Variants in AHCYL2 observed in about 807,000 individuals in gnomAD.
The protein encoded by AHCYL2 is S-adenosylhomocysteine hydrolase-like protein 2.
In AHCYL2, 28 loss-of-function variants were observed where a neutral mutation model predicts 81.4. The ratio of observed to expected loss-of-function variants is 0.34; its 90% CI spans 0.25 to 0.47. The LOEUF is 0.47. Among genes scored for constraint, AHCYL2 ranks in the 20% least tolerant of loss-of-function variants. The probability of loss-of-function intolerance (pLI) is 1.00; values close to 1 mark genes in which losing one functional copy is unlikely to be tolerated. For synonymous variants in AHCYL2, 272 were observed against 290.2 expected (o/e 0.94, Z 0.64); for missense variants, 551 against 785.1 (o/e 0.70, Z 3.56).
chr7:129,428,943 A>G lies in AHCYL2; in HGVS notation c.*1898A>G, dbSNP rs956499577. 6.6e-6 allele frequency: 1 copy of G among 152,158 alleles called. No homozygotes were observed. Among genetic ancestry groups the G allele is most frequent in the Non-Finnish European group, 1.5e-5 (1 of 68,030 alleles). 9.4% of individuals were successfully genotyped at this position (152,158 alleles called of 1,614,324 possible). ...CTACCTAGTCCTGATTTTTGTATTAATTGGTTCCCTTTAGCAAGGGATTCA... is the reference window on the plus strand; with the variant it reads ...CTACCTAGTCCTGATTTTTGTATTAGTTGGTTCCCTTTAGCAAGGGATTCA... On this transcript the variant is annotated 3_prime_UTR_variant, in exon 17 of 17. Coordinates refer to ENST00000325006, the MANE Select transcript of AHCYL2 (RefSeq NM_015328.4).
chr7:129,415,713 G>A (rs1796811953), intron 12 of AHCYL2, among the ~76,000 whole-genome samples: 1 of 152,062 alleles, frequency 6.6e-6, no homozygotes, highest in South Asian at 2.1e-4. Context: ...CACTTTGGGA[G>A]GCCAAGGCGG....
intron 12 of AHCYL2, among the ~76,000 whole-genome samples, chr7:129,417,156 A>G (rs1190549753): frequency 6.6e-6 from 1 of 152,156 alleles, no homozygotes; most frequent in African/African-American, 2.4e-5. Context: ...AAAAGATGAT[A>G]TTTGAGGCAG....
intron 4 of AHCYL2, among the ~76,000 whole-genome samples, chr7:129,391,816 A>C (rs960230102): frequency 6.6e-6 from 1 of 152,206 alleles, no homozygotes; most frequent in Non-Finnish European, 1.5e-5. Context: ...CATCTTCACT[A>C]TGAAACTTTT....
At chr7:129,233,136 C>G (rs981080790) in intron 1 of AHCYL2, among the ~76,000 whole-genome samples, 2 of 152,178 alleles carry the variant, frequency 1.3e-5, no homozygotes, top group Non-Finnish European at 2.9e-5. Context: ...ATACATTTCT[C>G]TAGTTCACTT....
chr7:129,409,573 T>C (rs927526907), intron 11 of AHCYL2, 27 bp downstream of exon 11: 7 of 1,572,834 alleles, frequency 4.5e-6, no homozygotes, highest in Non-Finnish European at 5.2e-6. Flanking sequence ...TTAAATGGGG[T>C]GGCACTTGGG....
intron 1 of AHCYL2, among the ~76,000 whole-genome samples, chr7:129,256,051 G>A (rs541598579): frequency 5.5e-4 from 83 of 152,042 alleles, no homozygotes; most frequent in African/African-American, 2.0e-3. Flanking sequence ...TAATACCTCC[G>A]TCCTGTGTAG....
chr7:129,327,855 G>A (rs1239660122), intron 1 of AHCYL2, among the ~76,000 whole-genome samples: 2 of 151,786 alleles, frequency 1.3e-5, no homozygotes, highest in African/African-American at 4.8e-5. Flanking sequence ...GTGCAGTGAT[G>A]TGATCATTAC....
At chr7:129,246,844 G>T (rs1258428006) in intron 1 of AHCYL2, among the ~76,000 whole-genome samples, 2 of 152,106 alleles carry the variant, frequency 1.3e-5, no homozygotes, top group African/African-American at 4.8e-5. Flanking sequence ...TCTTTTGTGT[G>T]TGGCTTTTCC....
At chr7:129,309,281 G>A (rs1280727084) in intron 1 of AHCYL2, among the ~76,000 whole-genome samples, 1 of 151,700 alleles carries the variant, frequency 6.6e-6, no homozygotes, top group Non-Finnish European at 1.5e-5. Context: ...GCTCACACCT[G>A]TAATCCCAGC....
chr7:129,241,356 T>C (rs192160992), intron 1 of AHCYL2, among the ~76,000 whole-genome samples: 507 of 152,300 alleles, frequency 3.3e-3, no homozygotes, highest in African/African-American at 0.012. Context: ...TTTGGGAGGC[T>C]GAGGCAGGTG....
chr7:129,327,450 C>T (rs971976865), intron 1 of AHCYL2, among the ~76,000 whole-genome samples: 4 of 152,176 alleles, frequency 2.6e-5, no homozygotes, highest in Non-Finnish European at 5.9e-5. Flanking sequence ...CAGACTAAAA[C>T]ATCTAGGAAG....
chr7:129,281,087 T>A (rs1295758837), intron 1 of AHCYL2, among the ~76,000 whole-genome samples: 1 of 151,984 alleles, frequency 6.6e-6, no homozygotes, highest in Non-Finnish European at 1.5e-5. Context: ...ATGGTCTCGA[T>A]CTCCTGACCT....
At chr7:129,234,434 G>A (rs1488161201) in intron 1 of AHCYL2, among the ~76,000 whole-genome samples, 2 of 152,038 alleles carry the variant, frequency 1.3e-5, no homozygotes, top group South Asian at 2.1e-4. Context: ...TAGTAGAGAC[G>A]GGGTTTCACC....
chr7:129,273,321 C>CTATT (rs1796082582), intron 1 of AHCYL2, among the ~76,000 whole-genome samples: 1 of 75,888 alleles, frequency 1.3e-5, no homozygotes, highest in South Asian at 5.7e-4. Context: ...TTTGCTAAGA[C>CTATT]TTTTTTTTTT....
intron 1 of AHCYL2, among the ~76,000 whole-genome samples, chr7:129,267,230 G>GGTGT (rs769745702): frequency 0.12 from 7,323 of 59,006 alleles, 591 homozygotes; most frequent in African/African-American, 0.3. Context: ...TCACTCAAGG[G>GGTGT]GTGTGTGTGT....
chr7:129,396,549 G>A (rs1795751546), intron 4 of AHCYL2, among the ~76,000 whole-genome samples: 1 of 152,050 alleles, frequency 6.6e-6, no homozygotes, highest in Non-Finnish European at 1.5e-5. Context: ...AGCCTCCCGA[G>A]TAGCTGGGAT....
At chr7:129,297,757 C>T (rs1377424438) in intron 1 of AHCYL2, among the ~76,000 whole-genome samples, 1 of 152,008 alleles carries the variant, frequency 6.6e-6, no homozygotes, top group Non-Finnish European at 1.5e-5. Flanking sequence ...TGCAGTGGCT[C>T]ATGCTTGTAA....
chr7:129,430,047 A>G lies in AHCYL2; in HGVS notation c.*3002A>G, dbSNP rs1797521210. 1 of 151,156 alleles carries G rather than the reference A, an allele frequency of 6.6e-6. No individual in the cohort carries two copies. Among genetic ancestry groups the G allele is most frequent in the Non-Finnish European group, 1.5e-5 (1 of 67,818 alleles). The allele number at this position is 151,156 out of a possible 1,614,324, so 9.4% of individuals were successfully genotyped here. A position where few individuals can be genotyped will look rare whatever the true frequency, so the allele number is the denominator to read the frequency against. ...TATATATATATATATCTATATATCT[A>G]TATACGTAATCATCTAGTTCTGTCA... On this transcript the variant is annotated 3_prime_UTR_variant, in exon 17 of 17. Transcript: ENST00000325006.
intron 1 of AHCYL2, among the ~76,000 whole-genome samples, chr7:129,294,185 T>C (rs556332043): frequency 7.2e-5 from 11 of 152,326 alleles, no homozygotes; most frequent in African/African-American, 2.6e-4. Flanking sequence ...ATGAATGTTA[T>C]TTATTTGGAC....
Sources: gnomAD v4.1 joint callset for allele counts (sites outside exome capture counted in the v4.1 genomes callset) on GRCh38, gnomAD v4.1.1 for gene constraint, MANE v1.5 for transcripts, NCBI Gene and HGNC (gene_info 2026-07-23, HGNC 2026-07-21) for gene names.